The following BLTP1 variants were observed in gnomAD, a reference collection of about 807,000 sequenced individuals.
BLTP1 encodes the protein fragile site-associated protein.
chr4:122,228,891 C>G, the BLTP1 span, among the ~76,000 whole-genome samples: 2 of 152,142 alleles, frequency 1.3e-5, no homozygotes, highest in Admixed American at 1.3e-4. Context: ...TTTGCCCCTT[C>G]TGAATGAAAA....
At chr4:122,152,681 TTAG>T in the BLTP1 span, 1 of 966,524 alleles carries the variant, frequency 1.0e-6, no homozygotes, top group Admixed American at 6.2e-5. Context: ...GAGCTTTGGC[TTAG>T]TAGTGGCTGC....
At chr4:122,325,409 T>A in the BLTP1 span, 1 of 1,437,136 alleles carries the variant, frequency 7.0e-7, no homozygotes, top group Non-Finnish European at 9.2e-7. Flanking sequence ...TTCAAAATAC[T>A]GATTTCTTAC....
the BLTP1 span, among the ~76,000 whole-genome samples, chr4:122,165,829 A>G: frequency 8.1e-5 from 12 of 148,166 alleles, no homozygotes; most frequent in African/African-American, 1.7e-4. Context: ...GCCAGTGATG[A>G]TGAGCATTTT....
the BLTP1 span, chr4:122,207,514 C>G: frequency 7.8e-7 from 1 of 1,285,990 alleles, no homozygotes; most frequent in Non-Finnish European, 1.0e-6. Flanking sequence ...ACTTTTTCTT[C>G]TTTTTTTTTT....
chr4:122,347,002 T>C, the BLTP1 span: 4 of 752,478 alleles, frequency 5.3e-6, no homozygotes, highest in Non-Finnish European at 4.9e-6. Context: ...TGAATAAATA[T>C]AGTTTATTCT....
At chr4:122,273,866 T>C in the BLTP1 span, among the ~76,000 whole-genome samples, 1 of 152,040 alleles carries the variant, frequency 6.6e-6, no homozygotes. Context: ...ACAATAATGC[T>C]AAATGAAAAA....
the BLTP1 span, chr4:122,224,879 T>C: frequency 8.2e-6 from 12 of 1,471,032 alleles, no homozygotes; most frequent in Non-Finnish European, 5.4e-6. Flanking sequence ...ACATATAATT[T>C]GTTGGGTGTA....
chr4:122,354,153 C>G, the BLTP1 span: 1 of 744,312 alleles, frequency 1.3e-6, no homozygotes, highest in African/African-American at 1.8e-5. Flanking sequence ...CTGGCTGACA[C>G]AAGTAATAAT....
chr4:122,298,341 C>T, the BLTP1 span: 1 of 405,542 alleles, frequency 2.5e-6, no homozygotes, highest in Non-Finnish European at 3.3e-6. Flanking sequence ...TAAGAACTCT[C>T]TTAGCTTAAT....
chr4:122,219,596 G>C, the BLTP1 span: 13 of 1,518,462 alleles, frequency 8.6e-6, no homozygotes, highest in Admixed American at 8.4e-5. Flanking sequence ...AAGTAGTCTG[G>C]AATATATTAT....
the BLTP1 span, chr4:122,234,189 T>A: frequency 1.7e-6 from 1 of 594,336 alleles, no homozygotes; most frequent in Non-Finnish European, 2.1e-6. Context: ...TTTACATACA[T>A]TTTTAATACT....
At chr4:122,270,315 T>G in the BLTP1 span, 1 of 981,438 alleles carries the variant, frequency 1.0e-6, no homozygotes, top group African/African-American at 1.7e-5. Flanking sequence ...GTCTGCACAT[T>G]CATAGTGTGC....
chr4:122,187,777 A>G, the BLTP1 span: 2 of 1,186,924 alleles, frequency 1.7e-6, no homozygotes, highest in South Asian at 1.7e-5. Context: ...ACATAGTCCT[A>G]AAGTGGAATC....
chr4:122,300,523 A>G, the BLTP1 span, among the ~76,000 whole-genome samples: 1 of 151,440 alleles, frequency 6.6e-6, no homozygotes, highest in South Asian at 2.1e-4. Flanking sequence ...TGTTGCCTCT[A>G]TTTTCTTCCT....
chr4:122,294,634 A>T, the BLTP1 span, among the ~76,000 whole-genome samples: 1 of 152,330 alleles, frequency 6.6e-6, no homozygotes, highest in East Asian at 1.9e-4. Context: ...GATTGAAGGT[A>T]GATATGCCCG....
At chr4:122,348,456 C>T in the BLTP1 span, 1 of 863,958 alleles carries the variant, frequency 1.2e-6, no homozygotes, top group Non-Finnish European at 1.7e-6. Context: ...GATTCTAATA[C>T]AAGAATATTA....
the BLTP1 span, chr4:122,173,091 T>G: frequency 6.2e-7 from 1 of 1,611,762 alleles, no homozygotes; most frequent in African/African-American, 1.3e-5. Context: ...ATTCCCGGAA[T>G]GTTGGTCTTA....
the BLTP1 span, chr4:122,324,595 TCAAC>T: frequency 7.4e-7 from 1 of 1,359,462 alleles, no homozygotes; most frequent in Non-Finnish European, 1.0e-6. Context: ...TTTACCAAGG[TCAAC>T]TACTTTTTTA....
At chr4:122,333,527 A>G in the BLTP1 span, 1 of 1,221,568 alleles carries the variant, frequency 8.2e-7, no homozygotes, top group Non-Finnish European at 1.1e-6. Context: ...GATTCTGGAT[A>G]TTAGCCCTTT....
Sources: allele counts gnomAD v4.1 joint callset (sites outside exome capture counted in the v4.1 genomes callset), GRCh38; gene constraint gnomAD v4.1.1; transcripts MANE v1.5; gene names NCBI Gene and HGNC (gene_info 2026-07-23, HGNC 2026-07-21).